NUP160: variants seen among roughly 807,000 people sequenced by gnomAD.
The protein encoded by NUP160 is nuclear pore complex protein Nup160.
NUP160 carries 94 observed loss-of-function variants against 196.9 expected under a neutral mutation model. The ratio of observed to expected loss-of-function variants is 0.48; its 90% CI spans 0.40 to 0.57. The LOEUF (loss-of-function observed/expected upper bound fraction) is 0.57. Among genes scored for constraint, NUP160 ranks in the 20% least tolerant of loss-of-function variants. The pLI, the probability that NUP160 is intolerant of heterozygous loss-of-function variation, is 0.00. For synonymous variants in NUP160, 605 were observed against 619.7 expected, an observed-to-expected ratio of 0.98 and a Z score of 0.35; for missense variants, 1,638 against 1,748.3, an observed-to-expected ratio of 0.94 and a Z score of 1.13.
intron 2 of NUP160, chr11:47,841,345 C>A: frequency 2.8e-6 from 1 of 363,434 alleles, no homozygotes; most frequent in South Asian, 3.8e-5. Context: ...TTTCCTTGAT[C>A]ATATTCGTGG....
intron 7 of NUP160, among the ~76,000 whole-genome samples, chr11:47,824,670 G>T (rs1851933053): frequency 1.3e-5 from 2 of 151,948 alleles, no homozygotes. Context: ...GACAGGTCTT[G>T]CTCTGTTACC....
chr11:47,829,446 C>T (rs1852033252), intron 7 of NUP160, among the ~76,000 whole-genome samples: 1 of 152,152 alleles, frequency 6.6e-6, no homozygotes. Context: ...ACTGGGATTA[C>T]AGGCACGTGC....
intron 23 of NUP160, 54 bp downstream of exon 23, chr11:47,801,757 T>G (rs2097674294): frequency 2.0e-6 from 3 of 1,513,562 alleles, no homozygotes; most frequent in Non-Finnish European, 2.7e-6. Context: ...AGCAATGTAT[T>G]TCAGATGTGT....
chr11:47,847,653 G>T (rs1852425507), intron 2 of NUP160, among the ~76,000 whole-genome samples, 195 bp downstream of exon 2: 2 of 123,466 alleles, frequency 1.6e-5, no homozygotes, highest in Non-Finnish European at 3.3e-5. Context: ...GGGGGTGGGG[G>T]GGGGGAGGGG....
At chr11:47,831,856 AAAAAAAAAAAAAG>A (rs1186238096) in intron 7 of NUP160, among the ~76,000 whole-genome samples, 1 of 148,596 alleles carries the variant, frequency 6.7e-6, no homozygotes, top group Non-Finnish European at 1.5e-5. Context: ...AAAAAAAAAA[AAAAAAAAAAAAAG>A]AGACAGATCT....
chr11:47,840,177 A>G, intron 3 of NUP160, 112 bp from the exon 4 acceptor site: 2 of 888,270 alleles, frequency 2.3e-6, no homozygotes, highest in East Asian at 2.6e-5. Context: ...AAGTTTAAGA[A>G]AGCTATTCTT....
intron 21 of NUP160, 49 bp downstream of exon 21, chr11:47,804,500 C>A: frequency 7.9e-7 from 1 of 1,267,528 alleles, no homozygotes; most frequent in Non-Finnish European, 1.1e-6. Context: ...ATTCAGCAAT[C>A]CCATGCTTTA....
intron 18 of NUP160, 96 bp from the exon 19 acceptor site, chr11:47,807,236 A>AT: frequency 4.0e-6 from 3 of 742,380 alleles, no homozygotes; most frequent in Non-Finnish European, 6.8e-6. Context: ...AATTTAATTA[A>AT]TAAATTGCAC....
chr11:47,788,205 T>G, exon 31 of NUP160: 1 of 1,613,698 alleles, frequency 6.2e-7, no homozygotes, highest in Non-Finnish European at 8.5e-7. Flanking sequence ...CTTCAAAGAC[T>G]GGCGTTAAGG....
intron 23 of NUP160, among the ~76,000 whole-genome samples, chr11:47,801,385 C>G (rs1272944248): frequency 6.6e-6 from 1 of 152,062 alleles, no homozygotes; most frequent in Non-Finnish European, 1.5e-5. Context: ...GAGTCTCGCT[C>G]TGTCACCCAG....
chr11:47,846,230 GC>G (rs1319517031), intron 2 of NUP160, among the ~76,000 whole-genome samples: 4 of 151,656 alleles, frequency 2.6e-5, no homozygotes, highest in Non-Finnish European at 5.9e-5. Flanking sequence ...TCCCACCTCA[GC>G]CCCCCAAAGT....
At chr11:47,782,834 T>C (rs1248473174) in intron 34 of NUP160, among the ~76,000 whole-genome samples, 1 of 152,098 alleles carries the variant, frequency 6.6e-6, no homozygotes, top group Non-Finnish European at 1.5e-5. Context: ...AATTTCTGTA[T>C]TTTTAGTAGA....
At chr11:47,844,893 G>C (rs182312124) in intron 2 of NUP160, among the ~76,000 whole-genome samples, 1 of 152,220 alleles carries the variant, frequency 6.6e-6, no homozygotes, top group Admixed American at 6.5e-5. Context: ...TGCAATAAAG[G>C]AGCAAGCCAA....
At chr11:47,821,553 G>A (rs1482469224) in intron 9 of NUP160, 171 bp downstream of exon 9, 7 of 547,356 alleles carry the variant, frequency 1.3e-5, no homozygotes, top group Admixed American at 6.9e-5. Context: ...TAGTAGAGAC[G>A]GGGTTTCTGT....
exon 8 of NUP160, chr11:47,822,159 G>A: frequency 1.9e-6 from 3 of 1,599,446 alleles, no homozygotes; most frequent in South Asian, 1.1e-5. Context: ...ACTGGAAAAT[G>A]CAGAACTGTT....
At chr11:47,779,878 C>A (rs1215059349) in intron 35 of NUP160, among the ~76,000 whole-genome samples, 6 of 152,176 alleles carry the variant, frequency 3.9e-5, no homozygotes, top group Admixed American at 3.9e-4. Flanking sequence ...CAGGTGCCCG[C>A]CACCATGCCT....
intron 7 of NUP160, among the ~76,000 whole-genome samples, chr11:47,825,071 G>A (rs1261053447): frequency 6.6e-6 from 1 of 152,036 alleles, no homozygotes; most frequent in African/African-American, 2.4e-5. Context: ...TTCTGACCTC[G>A]TGATCTGCCC....
intron 4 of NUP160, among the ~76,000 whole-genome samples, chr11:47,838,652 G>A (rs1852231172): frequency 6.6e-6 from 1 of 151,930 alleles, no homozygotes; most frequent in African/African-American, 2.4e-5. Flanking sequence ...GGAGGTTGCA[G>A]TGAGCCAAGA....
intron 2 of NUP160, 63 bp from the exon 3 acceptor site, chr11:47,840,651 A>T (rs1852277645): frequency 1.5e-6 from 2 of 1,316,026 alleles, no homozygotes; most frequent in South Asian, 2.8e-5. Context: ...TTCTACTGAA[A>T]TATATGAGAA....
Sources: gnomAD v4.1 joint callset for allele counts (sites outside exome capture counted in the v4.1 genomes callset) on GRCh38, gnomAD v4.1.1 for gene constraint, MANE v1.5 for transcripts, NCBI Gene and HGNC (gene_info 2026-07-23, HGNC 2026-07-21) for gene names.